Variants in VWC2L observed in about 807,000 individuals in gnomAD.
VWC2L encodes the protein von Willebrand factor C domain containing 2 like.
VWC2L carries 10 observed loss-of-function variants against 21.6 expected under a neutral mutation model. The ratio of observed to expected loss-of-function variants is 0.46; its 90% CI spans 0.29 to 0.78. VWC2L has a LOEUF of 0.78. VWC2L is among the 30% of genes least tolerant of loss of function. VWC2L has a pLI of 0.10. For synonymous variants in VWC2L, 96 were observed against 94.3 expected (o/e 1.02, Z -0.10); for missense variants, 209 against 277.1 (o/e 0.75, Z 1.74).
At chr2:214,477,255 T>C (rs554623789) in intron 3 of VWC2L, among the ~76,000 whole-genome samples, 1 of 152,312 alleles carries the variant, frequency 6.6e-6, no homozygotes, top group East Asian at 1.9e-4. Context: ...CCTATAGCAA[T>C]GTTGGGAAAT....
chr2:214,440,378 T>C (rs1040812578), intron 3 of VWC2L, among the ~76,000 whole-genome samples: 5 of 152,094 alleles, frequency 3.3e-5, no homozygotes, highest in African/African-American at 1.2e-4. Context: ...AATGCCTTCC[T>C]GAAAAATATG....
At chr2:214,441,879 TTATAA>T (rs1299708639) in intron 3 of VWC2L, among the ~76,000 whole-genome samples, 2 of 151,438 alleles carry the variant, frequency 1.3e-5, no homozygotes, top group East Asian at 1.9e-4. Flanking sequence ...AATATGTATC[TTATAA>T]TAAAATAAGA....
chr2:214,532,931 G>A lies in VWC2L; in HGVS notation c.521-42741G>A, dbSNP rs4542847. On this transcript the variant is annotated intron_variant, in intron 3 of 3. Transcript: ENST00000312504. ...GCTGGAGCAGTGACCTAGAGAGAGG[G>A]GACCCTGACAGGCTGACTCCTGCAT... is the stretch of plus-strand genomic sequence containing the variant. 4.0e-5 allele frequency among the ~76,000 whole-genome samples: 6 copies of A among 151,828 alleles called. No homozygotes were observed. The East Asian group carries it at 5.9e-4, about 15-fold the overall frequency.
At chr2:214,549,667 G>C (rs1054999925) in intron 3 of VWC2L, among the ~76,000 whole-genome samples, 6 of 152,232 alleles carry the variant, frequency 3.9e-5, no homozygotes, top group Non-Finnish European at 8.8e-5. Context: ...CAGCTACTCA[G>C]AAGGCTGAGG....
At chr2:214,427,920 C>A (rs1045442187) in intron 2 of VWC2L, among the ~76,000 whole-genome samples, 1 of 152,056 alleles carries the variant, frequency 6.6e-6, no homozygotes, top group Admixed American at 6.6e-5. Context: ...CTTTCCAATA[C>A]AGTATTTTTG....
chr2:214,420,927 A>G (rs13428663), intron 2 of VWC2L, among the ~76,000 whole-genome samples: 24,758 of 152,276 alleles, frequency 0.16, 2,079 homozygotes, highest in East Asian at 0.25. Context: ...TTGCTACAAA[A>G]TAACAGTGAT....
At chr2:214,574,534 A>T (rs113156886) in intron 3 of VWC2L, among the ~76,000 whole-genome samples, 6 of 152,324 alleles carry the variant, frequency 3.9e-5, no homozygotes, top group African/African-American at 1.4e-4. Flanking sequence ...CAAGGGGGTA[A>T]GAAAGTGAAA....
chr2:214,534,913 T>C (rs1384208036), intron 3 of VWC2L, among the ~76,000 whole-genome samples: 1 of 152,156 alleles, frequency 6.6e-6, no homozygotes, highest in Admixed American at 6.6e-5. Context: ...AGGGAAATTT[T>C]CAAATAACCT....
At chr2:214,528,193 A>G (rs144561713) in intron 3 of VWC2L, among the ~76,000 whole-genome samples, 1 of 152,310 alleles carries the variant, frequency 6.6e-6, no homozygotes, top group Non-Finnish European at 1.5e-5. Flanking sequence ...AATTCATGAA[A>G]TCATACAGTT....
intron 3 of VWC2L, among the ~76,000 whole-genome samples, chr2:214,540,482 T>C (rs888185020): frequency 2.0e-5 from 3 of 152,166 alleles, no homozygotes; most frequent in African/African-American, 7.2e-5. Context: ...ACACTAGCTT[T>C]TCCATTAGAT....
chr2:214,557,078 A>G (rs1689884847), intron 3 of VWC2L, among the ~76,000 whole-genome samples: 1 of 152,168 alleles, frequency 6.6e-6, no homozygotes. Context: ...CTGAGGTCAC[A>G]CTGCTATTAA....
At position 214,490,842 on chromosome 2, in the gene VWC2L, C is replaced by T. The variant is rs537233848; in HGVS notation, c.520+54084C>T. Among the ~76,000 whole-genome samples, 27 of 152,260 alleles carry T rather than the reference C, an allele frequency of 1.8e-4. No homozygotes were observed. The East Asian group carries it at 5.2e-3, about 29-fold the overall frequency. The stretch of plus-strand genomic sequence containing the variant: ...GAAAAAGAAGGTAAGGAATTGGTGT[C>T]AATGTGACTAGGCTAAAGCTTTAAA... On this transcript the variant is annotated intron_variant, in intron 3 of 3. Coordinates refer to ENST00000312504, the MANE Select transcript of VWC2L (RefSeq NM_001080500.4).
At chr2:214,562,455 C>T (rs773841799) in intron 3 of VWC2L, among the ~76,000 whole-genome samples, 17 of 152,264 alleles carry the variant, frequency 1.1e-4, no homozygotes, top group South Asian at 2.1e-4. Context: ...AATGAACATA[C>T]GCATGCATGT....
intron 3 of VWC2L, among the ~76,000 whole-genome samples, chr2:214,539,147 G>A (rs931935098): frequency 3.3e-5 from 5 of 152,054 alleles, no homozygotes; most frequent in African/African-American, 1.2e-4. Flanking sequence ...CCTCTGATTT[G>A]TTTGGAGACT....
At chr2:214,499,573 A>C (rs1423272371) in intron 3 of VWC2L, among the ~76,000 whole-genome samples, 2 of 152,292 alleles carry the variant, frequency 1.3e-5, no homozygotes, top group East Asian at 3.9e-4. Flanking sequence ...TAATGGGTGC[A>C]GCACACCAAC....
chr2:214,469,337 C>A (rs999961497), intron 3 of VWC2L, among the ~76,000 whole-genome samples: 2 of 152,210 alleles, frequency 1.3e-5, no homozygotes, highest in Non-Finnish European at 2.9e-5. Flanking sequence ...CAGTGGCTCA[C>A]GCCTGTAATC....
intron 3 of VWC2L, among the ~76,000 whole-genome samples, chr2:214,495,768 C>T (rs999401044): frequency 2.0e-5 from 3 of 152,142 alleles, no homozygotes; most frequent in Non-Finnish European, 2.9e-5. Context: ...AAAACTTTCA[C>T]TCTCAAGCTG....
At chr2:214,485,321 A>T (rs1688660716) in intron 3 of VWC2L, among the ~76,000 whole-genome samples, 1 of 152,098 alleles carries the variant, frequency 6.6e-6, no homozygotes, top group Admixed American at 6.6e-5. Flanking sequence ...AAAAGAAAAA[A>T]AAAGTGTGTA....
At chr2:214,451,976 A>C (rs1239880281) in intron 3 of VWC2L, among the ~76,000 whole-genome samples, 1 of 152,114 alleles carries the variant, frequency 6.6e-6, no homozygotes, top group Non-Finnish European at 1.5e-5. Flanking sequence ...CATATTCATC[A>C]CTCCTAAAAC....
Sources: gnomAD v4.1 joint callset for allele counts (sites outside exome capture counted in the v4.1 genomes callset) on GRCh38, gnomAD v4.1.1 for gene constraint, MANE v1.5 for transcripts, NCBI Gene and HGNC (gene_info 2026-07-23, HGNC 2026-07-21) for gene names.